The following RIT2 variants were observed in gnomAD, a reference collection of about 807,000 sequenced individuals.
The protein encoded by RIT2 is GTP-binding protein Rit2.
A neutral mutation model predicts 23.7 loss-of-function variants in RIT2; 24 were observed. The ratio of observed to expected loss-of-function variants is 1.01; its 90% CI spans 0.73 to 1.43. The LOEUF (loss-of-function observed/expected upper bound fraction) is 1.43, where lower values mean the gene tolerates loss of function less well. RIT2 is among the 40% of genes most tolerant of loss of function. The pLI is 0.00. For synonymous variants in RIT2, 107 were observed against 91.1 expected, an observed-to-expected ratio of 1.17 and a Z score of -0.99; for missense variants, 236 against 266.9, an observed-to-expected ratio of 0.88 and a Z score of 0.81.
intron 1 of RIT2, among the ~76,000 whole-genome samples, chr18:43,058,399 G>A (rs1912560009): frequency 6.6e-6 from 1 of 152,034 alleles, no homozygotes; most frequent in Non-Finnish European, 1.5e-5. Context: ...TGCAAGAAAT[G>A]CAGACACTAA....
intron 4 of RIT2, among the ~76,000 whole-genome samples, chr18:42,903,501 T>A (rs545403878): frequency 3.4e-4 from 52 of 152,226 alleles, no homozygotes; most frequent in African/African-American, 1.2e-3. Flanking sequence ...TTTTTTAGTT[T>A]GCAAACTAAA....
chr18:43,058,770 T>C (rs1194250398), intron 1 of RIT2, among the ~76,000 whole-genome samples: 1 of 152,030 alleles, frequency 6.6e-6, no homozygotes, highest in Non-Finnish European at 1.5e-5. Context: ...ACACCTGTAG[T>C]TTCAGCTACT....
chr18:42,974,430 G>C (rs141172881), intron 2 of RIT2, among the ~76,000 whole-genome samples: 2 of 151,874 alleles, frequency 1.3e-5, no homozygotes, highest in African/African-American at 4.8e-5. Context: ...AATGTTATTC[G>C]TTCTTTCCTA....
chr18:42,794,255 TGCAATGTTGTA>T (rs1302945560), intron 4 of RIT2, among the ~76,000 whole-genome samples: 1 of 152,164 alleles, frequency 6.6e-6, no homozygotes, highest in African/African-American at 2.4e-5. Flanking sequence ...GCATAAAGAA[TGCAATGTTGTA>T]GCAATGTTGT....
intron 3 of RIT2, among the ~76,000 whole-genome samples, chr18:42,952,946 G>GT (rs397932968): frequency 0.017 from 2,423 of 143,692 alleles, 66 homozygotes; most frequent in African/African-American, 0.055. Flanking sequence ...CTCCTGAGGT[G>GT]TTTTTTTTTT....
chr18:43,050,359 A>G (rs1912350983), intron 1 of RIT2, among the ~76,000 whole-genome samples: 1 of 152,030 alleles, frequency 6.6e-6, no homozygotes, highest in Admixed American at 6.6e-5. Context: ...AAAATCTACC[A>G]GCAAAAATGA....
In RIT2 at chr18:42,886,615, G is replaced by A. The variant is rs115442189; in HGVS notation, c.426+36957C>T. Among the ~76,000 whole-genome samples the A allele has an allele frequency of 2.5e-3, 379 of 152,304 alleles. 1 individual carries two copies. The highest frequency in any genetic ancestry group is 8.6e-3 in the African/African-American group (357 of 41,568). ...GCACATAAGTTGTACTGCCTTTTCTGTAATTTGACATCTGTATGGTATGTG... is the reference window on the plus strand; with the variant it reads ...GCACATAAGTTGTACTGCCTTTTCTATAATTTGACATCTGTATGGTATGTG... On this transcript the variant is annotated intron_variant, in intron 4 of 4. Coordinates refer to ENST00000326695, the MANE Select transcript of RIT2 (RefSeq NM_002930.4).
At chr18:42,751,385 A>T (rs189947075) in intron 4 of RIT2, among the ~76,000 whole-genome samples, 22 of 151,928 alleles carry the variant, frequency 1.4e-4, no homozygotes, top group Non-Finnish European at 2.7e-4. Flanking sequence ...TTATACAAAC[A>T]CATACATATT....
rs547600712 is a variant in RIT2 at position 42,988,276 on chromosome 18, T to C, written c.161-14129A>G. On this transcript the variant is annotated intron_variant, in intron 2 of 4. Transcript: ENST00000326695. ...TCCTGAATTGTAAGAAAAGAGAAAA[T>C]ATTCACTTTCTCTAACTGTTCCTAT... Among the ~76,000 whole-genome samples, 6 of 152,178 alleles carry C rather than the reference T, an allele frequency of 3.9e-5. No homozygotes were observed. In the East Asian group the frequency reaches 9.7e-4, roughly 25 times the overall value.
intron 4 of RIT2, among the ~76,000 whole-genome samples, chr18:42,888,357 T>C (rs1205426659): frequency 6.6e-6 from 1 of 152,006 alleles, no homozygotes; most frequent in Non-Finnish European, 1.5e-5. Context: ...TGGTTGTTTT[T>C]TGTTTTTGTT....
At chr18:42,918,421 A>G (rs1257829701) in intron 4 of RIT2, among the ~76,000 whole-genome samples, 2 of 152,162 alleles carry the variant, frequency 1.3e-5, no homozygotes. Flanking sequence ...AAAGATAAAT[A>G]AAGCTAATTA....
intron 4 of RIT2, among the ~76,000 whole-genome samples, chr18:42,789,128 GA>G (rs1244558582): frequency 6.6e-5 from 10 of 152,104 alleles, no homozygotes; most frequent in Non-Finnish European, 1.5e-4. Flanking sequence ...CCCGCTAGTA[GA>G]ATTGGGTGCC....
intron 2 of RIT2, among the ~76,000 whole-genome samples, chr18:42,977,631 A>G (rs912510919): frequency 1.3e-5 from 2 of 151,880 alleles, no homozygotes; most frequent in Non-Finnish European, 2.9e-5. Context: ...ATGGGCACAT[A>G]CAATCATAGT....
At chr18:42,851,879 G>A (rs760535701) in intron 4 of RIT2, among the ~76,000 whole-genome samples, 2 of 152,048 alleles carry the variant, frequency 1.3e-5, no homozygotes, top group Middle Eastern at 3.2e-3. Flanking sequence ...ACAGGTAAGG[G>A]TCTCACAGCA....
At chr18:42,782,712 A>T (rs1421182143) in intron 4 of RIT2, among the ~76,000 whole-genome samples, 1 of 152,186 alleles carries the variant, frequency 6.6e-6, no homozygotes, top group East Asian at 1.9e-4. Context: ...ACTGAAAAGC[A>T]GATATGCTTT....
At chr18:42,920,780 G>C in intron 4 of RIT2, 1 of 1,549,758 alleles carries the variant, frequency 6.5e-7, no homozygotes, top group Non-Finnish European at 8.8e-7. Flanking sequence ...AATAAGAATT[G>C]CTTAGTGAGA....
intron 4 of RIT2, among the ~76,000 whole-genome samples, chr18:42,878,944 A>G (rs1016200329): frequency 4.0e-5 from 6 of 150,004 alleles, no homozygotes; most frequent in Non-Finnish European, 7.4e-5. Flanking sequence ...TAATCTCTCC[A>G]CTACTTAAAA....
chr18:42,956,725 T>C (rs1307459427), intron 3 of RIT2, among the ~76,000 whole-genome samples: 7 of 152,144 alleles, frequency 4.6e-5, no homozygotes, highest in African/African-American at 1.7e-4. Context: ...ACTCTCTTGA[T>C]ACCTAGTAGA....
At chr18:42,841,623 G>T (rs1362091864) in intron 4 of RIT2, among the ~76,000 whole-genome samples, 2 of 152,084 alleles carry the variant, frequency 1.3e-5, no homozygotes, top group Non-Finnish European at 2.9e-5. Flanking sequence ...CTTATATCAA[G>T]AACTGAACTT....
Sources: gnomAD v4.1 joint callset for allele counts (sites outside exome capture counted in the v4.1 genomes callset) on GRCh38, gnomAD v4.1.1 for gene constraint, MANE v1.5 for transcripts, NCBI Gene and HGNC (gene_info 2026-07-23, HGNC 2026-07-21) for gene names.